Variants in CFAP161 observed in about 807,000 individuals in gnomAD.
The protein encoded by CFAP161 is cilia- and flagella-associated protein 161.
CFAP161 carries 25 observed loss-of-function variants against 29.0 expected under a neutral mutation model. The ratio of observed to expected loss-of-function variants is 0.86; its 90% CI spans 0.63 to 1.20. CFAP161 has a LOEUF of 1.20. Ranked by LOEUF, CFAP161 falls within the 50% of genes most tolerant of loss-of-function variation. CFAP161 has a pLI of 0.00. For missense variants in CFAP161, 367 were observed against 371.9 expected (o/e 0.99, Z 0.11); for synonymous variants, 116 against 137.4 (o/e 0.84, Z 1.09).
intron 4 of CFAP161, 95 bp downstream of exon 4, chr15:81,138,230 GA>G: frequency 9.9e-7 from 1 of 1,014,982 alleles, no homozygotes; most frequent in Non-Finnish European, 1.5e-6. Flanking sequence ...GAGAACTCCA[GA>G]GTCATGGGCT....
chr15:81,138,225 C>T (rs990382194), intron 4 of CFAP161, 90 bp downstream of exon 4: 2 of 1,069,604 alleles, frequency 1.9e-6, no homozygotes, highest in Admixed American at 3.6e-5. Context: ...GGACAGAGAA[C>T]TCCAGAGTCA....
intron 1 of CFAP161, chr15:81,117,628 T>C: frequency 4.1e-6 from 1 of 243,228 alleles, no homozygotes; most frequent in Admixed American, 5.1e-5. Context: ...GCAGGTGGTC[T>C]GGGGTCTTAA....
intron 1 of CFAP161, among the ~76,000 whole-genome samples, chr15:81,114,661 T>TATTG (rs1894474718): frequency 6.6e-6 from 1 of 151,974 alleles, no homozygotes; most frequent in African/African-American, 2.4e-5. Context: ...AGACGAGGGT[T>TATTG]TTTGTTTGTT....
At chr15:81,145,326 C>A (rs147626642) in intron 5 of CFAP161, among the ~76,000 whole-genome samples, 100 of 152,298 alleles carry the variant, frequency 6.6e-4, no homozygotes, top group African/African-American at 2.3e-3. Context: ...CTGAGAATTG[C>A]CTTCTAGTTC....
intron 1 of CFAP161, among the ~76,000 whole-genome samples, chr15:81,119,676 C>T (rs1894545551): frequency 6.6e-6 from 1 of 151,774 alleles, no homozygotes. Flanking sequence ...CCAGAAAATC[C>T]CAGTTAATTT....
intron 1 of CFAP161, among the ~76,000 whole-genome samples, chr15:81,099,980 G>C (rs947669107): frequency 9.9e-5 from 15 of 151,924 alleles, no homozygotes; most frequent in Non-Finnish European, 1.9e-4. Flanking sequence ...AAATAGGAAT[G>C]ATCTTTGCCT....
chr15:81,105,170 T>TTTTTTTCTCCCTCCCTCCCTCC (rs1894353459), intron 1 of CFAP161, among the ~76,000 whole-genome samples: 1 of 50,186 alleles, frequency 2.0e-5, no homozygotes, highest in African/African-American at 1.0e-4. Context: ...CCTTCCTTCC[T>TTTTTTTCTCCCTCCCTCCCTCC]CCCTCCCTTC....
chr15:81,118,584 C>T (rs961555015), intron 1 of CFAP161, among the ~76,000 whole-genome samples: 1 of 152,206 alleles, frequency 6.6e-6, no homozygotes, highest in Non-Finnish European at 1.5e-5. Flanking sequence ...GCGGGGGGCT[C>T]GCGGTGGCGG....
At chr15:81,105,185 T>A in intron 1 of CFAP161, among the ~76,000 whole-genome samples, 1 of 55,404 alleles carries the variant, frequency 1.8e-5, no homozygotes, top group African/African-American at 8.6e-5. Flanking sequence ...CCCTTCCTTT[T>A]TTCCTCCCTC....
Position 81,134,408 on chromosome 15 carries a change from GT to G in CFAP161, c.69+11del. 3 of 1,576,336 alleles carry G rather than the reference GT, an allele frequency of 1.9e-6. No homozygotes were observed. Among genetic ancestry groups the G allele is most frequent in the Non-Finnish European group, 2.6e-6 (3 of 1,161,152 alleles). On this transcript the variant is annotated intron_variant, in intron 1 of 6. Coordinates refer to ENST00000286732, the MANE Select transcript of CFAP161 (RefSeq NM_173528.4). ...TGTCTACCTGGAGGAGGTACGCAGGGTGTGGCCAGGCGCAGACCCGCAGCTC... is the reference window on the plus strand; with the variant it reads ...TGTCTACCTGGAGGAGGTACGCAGGGGTGGCCAGGCGCAGACCCGCAGCTC...
intron 1 of CFAP161, among the ~76,000 whole-genome samples, chr15:81,112,831 G>C (rs12148174): frequency 0.018 from 2,767 of 152,250 alleles, 46 homozygotes; most frequent in Middle Eastern, 0.027. Flanking sequence ...AAGTTTTCTA[G>C]TATATAGCTA....
At chr15:81,139,148 T>A (rs1894862226) in intron 4 of CFAP161, among the ~76,000 whole-genome samples, 5 of 151,836 alleles carry the variant, frequency 3.3e-5, no homozygotes, top group Admixed American at 2.6e-4. Context: ...CTAAAAATTT[T>A]AAAAAAATTG....
chr15:81,120,779 G>A (rs1167987782), intron 1 of CFAP161, among the ~76,000 whole-genome samples: 1 of 152,096 alleles, frequency 6.6e-6, no homozygotes, highest in Non-Finnish European at 1.5e-5. Context: ...AATCTGAGAA[G>A]TTTCAAAAAG....
At chr15:81,125,509 C>G (rs1306090218) in intron 1 of CFAP161, among the ~76,000 whole-genome samples, 1 of 152,048 alleles carries the variant, frequency 6.6e-6, no homozygotes, top group Non-Finnish European at 1.5e-5. Flanking sequence ...TAAAACTGAC[C>G]AGTAAACTTA....
At chr15:81,117,965 A>G in intron 1 of CFAP161, 2 of 468,156 alleles carry the variant, frequency 4.3e-6, no homozygotes, top group Non-Finnish European at 8.0e-6. Context: ...GTATCCAAGC[A>G]GGTCAGCTGA....
At chr15:81,117,940 T>C (rs1894520526) in intron 1 of CFAP161, 1 of 448,466 alleles carries the variant, frequency 2.2e-6, no homozygotes, top group Middle Eastern at 3.4e-4. Context: ...GGCTTCCTGG[T>C]CCTCTGGGTC....
At chr15:81,112,277 TAAGAC>T (rs1468802024) in intron 1 of CFAP161, among the ~76,000 whole-genome samples, 1 of 152,108 alleles carries the variant, frequency 6.6e-6, no homozygotes, top group Non-Finnish European at 1.5e-5. Flanking sequence ...CTATGGAAAG[TAAGAC>T]AATAGCCTGT....
At chr15:81,145,635 T>G (rs1894993884) in intron 5 of CFAP161, among the ~76,000 whole-genome samples, 1 of 152,200 alleles carries the variant, frequency 6.6e-6, no homozygotes, top group Non-Finnish European at 1.5e-5. Context: ...TCCCCAGGCC[T>G]CACTGAGACA....
intron 1 of CFAP161, among the ~76,000 whole-genome samples, chr15:81,116,863 T>A (rs1894505500): frequency 6.6e-6 from 1 of 152,208 alleles, no homozygotes; most frequent in Admixed American, 6.5e-5. Flanking sequence ...CAGGGTCTAG[T>A]CTAGTCTACA....
Sources: allele counts gnomAD v4.1 joint callset (sites outside exome capture counted in the v4.1 genomes callset), GRCh38; gene constraint gnomAD v4.1.1; transcripts MANE v1.5; gene names NCBI Gene and HGNC (gene_info 2026-07-23, HGNC 2026-07-21).